DGKG: variants seen among roughly 807,000 people sequenced by gnomAD.
DGKG encodes the protein diacylglycerol kinase gamma.
In DGKG, 78 loss-of-function variants were observed where a neutral mutation model predicts 105.3. The observed-to-expected ratio is 0.74, with a 90% CI of 0.62 to 0.89. The LOEUF is 0.89. DGKG is among the 40% of genes least tolerant of loss of function. DGKG has a pLI of 0.00. For synonymous variants in DGKG, 346 were observed against 367.1 expected (o/e 0.94, Z 0.66); for missense variants, 958 against 1,020.1 (o/e 0.94, Z 0.83).
Position 186,201,334 on chromosome 3 carries a change from G to GTGC in DGKG, c.1917+10460_1917+10461insGCA, listed in dbSNP as rs543084289. Among the ~76,000 whole-genome samples, 652 of 152,056 alleles carry GTGC rather than the reference G, an allele frequency of 4.3e-3. 5 individuals carry two copies. The highest frequency in any genetic ancestry group is 0.015 in the African/African-American group (628 of 41,472). ...GGCCTGGGGGCCAGCAGGGATCATG[G>GTGC]GCAGGTAGGCTTCTGAGCCATGAGA... On this transcript the variant is annotated intron_variant, in intron 21 of 24. Coordinates refer to ENST00000265022, the MANE Select transcript of DGKG (RefSeq NM_001346.3).
Position 186,147,845 on chromosome 3 carries a change from T to C in DGKG, c.*2245A>G. 1 of 985,424 alleles carries C rather than the reference T, an allele frequency of 1.0e-6. No individual in the cohort carries two copies. The highest frequency in any genetic ancestry group is 5.2e-4 in the Middle Eastern group (1 of 1,914). The allele number at this position is 985,424 out of a possible 1,614,324, so 61.0% of individuals were successfully genotyped here. A position where few individuals can be genotyped will look rare whatever the true frequency, so the allele number is the denominator to read the frequency against. ...TTTCAGAAACAAGTGGCTTCCAAGATAGTACCTGTAGTAATTCTGGAGCTT... is the reference window on the plus strand; with the variant it reads ...TTTCAGAAACAAGTGGCTTCCAAGACAGTACCTGTAGTAATTCTGGAGCTT... On this transcript the variant is annotated 3_prime_UTR_variant, in exon 25 of 25. Coordinates refer to ENST00000265022, the MANE Select transcript of DGKG (RefSeq NM_001346.3).
chr3:186,199,816 G>C (rs1456524402), intron 21 of DGKG, among the ~76,000 whole-genome samples: 2 of 152,080 alleles, frequency 1.3e-5, no homozygotes, highest in Non-Finnish European at 2.9e-5. Flanking sequence ...GCCCGGCCTT[G>C]TATTTCCATT....
intron 19 of DGKG, among the ~76,000 whole-genome samples, chr3:186,249,483 A>G (rs1020107418): frequency 1.3e-5 from 2 of 152,328 alleles, no homozygotes; most frequent in Admixed American, 6.5e-5. Context: ...TTCTGTAAAT[A>G]TAAGGTATTA....
chr3:186,360,277 A>G (rs1360621326), intron 1 of DGKG, among the ~76,000 whole-genome samples: 1 of 152,088 alleles, frequency 6.6e-6, no homozygotes, highest in Non-Finnish European at 1.5e-5. Context: ...GTTGATCTGA[A>G]CCAACCACTC....
In DGKG at chr3:186,320,925, C is replaced by T. The variant is rs949199296; in HGVS notation, c.-248-218G>A. On this transcript the variant is annotated intron_variant, in intron 1 of 24. Transcript: ENST00000265022. ...CTGTATGAATAGGTGGGCCATACTA[C>T]TCAGCTCTGGGAAATGTTCCATGTG... Among the ~76,000 whole-genome samples the T allele has an allele frequency of 2.0e-5, 3 of 152,180 alleles. No homozygotes were observed. In the East Asian group the frequency reaches 5.8e-4, roughly 29 times the overall value.
chr3:186,341,863 G>T (rs1185961348), intron 1 of DGKG, among the ~76,000 whole-genome samples: 1 of 152,156 alleles, frequency 6.6e-6, no homozygotes, highest in Non-Finnish European at 1.5e-5. Flanking sequence ...CATGTCCTTT[G>T]TAGGGACATG....
chr3:186,296,744 T>C (rs1470392872), intron 5 of DGKG, among the ~76,000 whole-genome samples: 1 of 152,212 alleles, frequency 6.6e-6, no homozygotes, highest in Non-Finnish European at 1.5e-5. Context: ...AATCCCTGGC[T>C]CCACAGGTCA....
chr3:186,160,207 A>G, intron 24 of DGKG: 3 of 985,404 alleles, frequency 3.0e-6, no homozygotes, highest in Non-Finnish European at 3.6e-6. Flanking sequence ...GTATGGAGGA[A>G]GGGTGGGTGT....
chr3:186,311,459 C>G (rs1004758149), intron 2 of DGKG, among the ~76,000 whole-genome samples: 3 of 152,172 alleles, frequency 2.0e-5, no homozygotes, highest in Non-Finnish European at 4.4e-5. Flanking sequence ...TTGCATTCAC[C>G]CAGACTGTCA....
Position 186,161,134 on chromosome 3 carries a change from C to T in DGKG, c.2277+469G>A, listed in dbSNP as rs1038111664. Reference sequence around the variant, plus strand: ...GTCTGTGCTCTGCGAGGAATTTTCTCCCGGGAGCTCCAGCAGTCAAAGGCG... The same window carrying T: ...GTCTGTGCTCTGCGAGGAATTTTCTTCCGGGAGCTCCAGCAGTCAAAGGCG... On this transcript the variant is annotated intron_variant, in intron 24 of 24. Transcript: ENST00000265022. The T allele has an allele frequency of 4.0e-6, 4 of 987,802 alleles. No individual in the cohort carries two copies. In the African/African-American group the frequency reaches 7.0e-5, roughly 17 times the overall value. The allele number at this position is 987,802 out of a possible 1,614,324, so 61.2% of individuals were successfully genotyped here.
At chr3:186,170,137 G>C (rs1716748666) in intron 22 of DGKG, among the ~76,000 whole-genome samples, 1 of 152,208 alleles carries the variant, frequency 6.6e-6, no homozygotes, top group Admixed American at 6.5e-5. Context: ...CTGAGCGTTA[G>C]AATGACCTGG....
In DGKG at chr3:186,272,352, A is replaced by C; in HGVS notation, c.911-9T>G. On this transcript the variant is annotated splice_polypyrimidine_tract_variant and intron_variant, in intron 10 of 24. Coordinates refer to ENST00000265022, the MANE Select transcript of DGKG (RefSeq NM_001346.3). ...GACAGTGTATTTACAGTCTGAAAAG[A>C]AAAAAAGTCAAGGCAGGTGCTTGTG... 1 of 1,599,778 alleles carries C rather than the reference A, an allele frequency of 6.3e-7. No individual in the cohort carries two copies. Among genetic ancestry groups the C allele is most frequent in the Non-Finnish European group, 8.6e-7 (1 of 1,167,606 alleles).
At chr3:186,255,075 G>A (rs767214733) in intron 17 of DGKG, among the ~76,000 whole-genome samples, 13 of 152,192 alleles carry the variant, frequency 8.5e-5, no homozygotes, top group Non-Finnish European at 1.5e-4. Context: ...CTGGTGCCTC[G>A]TCAGAATATT....
At chr3:186,189,409 C>T (rs1013538490) in intron 21 of DGKG, among the ~76,000 whole-genome samples, 3 of 152,176 alleles carry the variant, frequency 2.0e-5, no homozygotes, top group African/African-American at 7.2e-5. Context: ...ATCCTTGTTC[C>T]TCAGGATAGT....
At chr3:186,328,332 T>C (rs1290445464) in intron 1 of DGKG, among the ~76,000 whole-genome samples, 1 of 152,148 alleles carries the variant, frequency 6.6e-6, no homozygotes, top group Non-Finnish European at 1.5e-5. Flanking sequence ...ATAATTAACA[T>C]ACAAGCTGGC....
chr3:186,344,086 C>T (rs760090831), intron 1 of DGKG, among the ~76,000 whole-genome samples: 15 of 152,172 alleles, frequency 9.9e-5, no homozygotes, highest in Non-Finnish European at 1.8e-4. Context: ...AAAACCAAAA[C>T]AGATGCTAGT....
In DGKG at chr3:186,320,498, A is replaced by C; in HGVS notation, c.-39T>G. ...GTGAGTGGCTAAAGGGCAGTGATGG[A>C]GTTTTGTTCACTAGGCTGAAGTGGA... On this transcript the variant is annotated 5_prime_UTR_variant, in exon 2 of 25. Coordinates refer to ENST00000265022, the MANE Select transcript of DGKG (RefSeq NM_001346.3). 6.2e-7 allele frequency: 1 copy of C among 1,614,040 alleles called. No homozygotes were observed.
At chr3:186,227,004 A>T (rs898038894) in intron 20 of DGKG, among the ~76,000 whole-genome samples, 1 of 152,164 alleles carries the variant, frequency 6.6e-6, no homozygotes, top group South Asian at 2.1e-4. Flanking sequence ...TCAAATTTAA[A>T]CACTCCTACA....
intron 20 of DGKG, among the ~76,000 whole-genome samples, chr3:186,222,522 A>G (rs1719635626): frequency 6.6e-6 from 1 of 152,188 alleles, no homozygotes; most frequent in Non-Finnish European, 1.5e-5. Context: ...CCTACCTTGC[A>G]GGGGTTGCTG....
Sources: allele counts gnomAD v4.1 joint callset (sites outside exome capture counted in the v4.1 genomes callset), GRCh38; gene constraint gnomAD v4.1.1; transcripts MANE v1.5; gene names NCBI Gene and HGNC (gene_info 2026-07-23, HGNC 2026-07-21).